FAT4: variants seen among roughly 807,000 people sequenced by gnomAD.
FAT4 encodes FAT atypical cadherin 4.
In FAT4, 84 loss-of-function variants were observed where a neutral mutation model predicts 303.9. The ratio of observed to expected loss-of-function variants is 0.28; its 90% CI spans 0.23 to 0.33. FAT4 has a LOEUF of 0.33. Among genes scored for constraint, FAT4 ranks in the 10% least tolerant of loss-of-function variants. The pLI, the probability that FAT4 is intolerant of heterozygous loss-of-function variation, is 1.00. For synonymous variants in FAT4, 2,307 were observed against 2,298.8 expected (o/e 1.00, Z -0.10); for missense variants, 6,005 against 6,146.8 (o/e 0.98, Z 0.77).
intron 2 of FAT4, among the ~76,000 whole-genome samples, chr4:125,352,785 T>C (rs1337536781): frequency 6.6e-6 from 1 of 151,790 alleles, no homozygotes; most frequent in African/African-American, 2.4e-5. Context: ...AAACTAGGGC[T>C]TTCTTCTGCT....
rs1461356168 is a variant in FAT4, at chr4:125,450,695, G to T, written c.9685G>T (p.Ala3229Ser). 1 of 1,614,066 alleles carries T rather than the reference G, an allele frequency of 6.2e-7. No homozygotes were observed. Among genetic ancestry groups the T allele is most frequent in the Non-Finnish European group, 8.5e-7 (1 of 1,179,986 alleles). ...NATDADSGTN[A>S]VIAYTVQSSD... ...AACAGATGCTGACTCTGGAACAAAT[G>T]CTGTGATTGCGTATACTGTACAGTC... Residue 3229 changes from alanine (A) to serine (S), a missense_variant, in exon 10 of 18, where the codon GCT (alanine) becomes TCT (serine). By Grantham distance (99) the Ala-to-Ser change is moderately conservative. Transcript: ENST00000394329.
rs1236749203 is a variant in FAT4 at position 125,451,423 on chromosome 4, T to C, written c.10413T>C (p.Asp3471=). 6.2e-7 allele frequency: 1 copy of C among 1,614,010 alleles called. No individual in the cohort carries two copies. The highest frequency in any genetic ancestry group is 8.5e-7 in the Non-Finnish European group (1 of 1,180,024). ...TGQITVTAEL[D]RETLPIYNLS... Reference sequence around the variant, plus strand: ...AGATCACCGTTACTGCAGAATTAGATCGAGAAACCCTTCCCATCTATAATC... The same window carrying C: ...AGATCACCGTTACTGCAGAATTAGACCGAGAAACCCTTCCCATCTATAATC... Residue 3471 remains aspartate (D), a synonymous_variant, in exon 10 of 18, where the codon GAT becomes GAC. Transcript: ENST00000394329.
rs771566742 is a variant in FAT4, at chr4:125,316,959, G to A, written c.548G>A (p.Gly183Glu). Residue 183 changes from glycine to glutamate, a missense_variant, in exon 2 of 18, where the codon GGG (glycine) becomes GAG (glutamate). By Grantham distance (98) the Gly-to-Glu change is moderately conservative (BLOSUM62 -2). Coordinates refer to ENST00000394329, the MANE Select transcript of FAT4 (RefSeq NM_001291303.3). This position sits in a 1 kb window ranked among gnomAD's most constrained non-coding sequence, Gnocchi z 5.7. ...CGCATCATCCGCGGCAATGAGGCGG[G>A]GCGCTTCCGTCTGGACATCACCCTG... is the stretch of plus-strand genomic sequence containing the variant. ...SYRIIRGNEA[G>E]RFRLDITLNP... 2.3e-5 allele frequency: 37 copies of A among 1,613,820 alleles called. No homozygotes were observed. The highest frequency in any genetic ancestry group is 3.3e-5 in the Admixed American group (2 of 60,004).
Position 125,360,096 on chromosome 4 carries a change from AT to A in FAT4, c.5175+38511del, listed in dbSNP as rs932233542. ...TTGTTTCTCTAGTCTAATCCATCTT[AT>A]CTTTTGTTCTTTTCTGTTAATCTAT... On this transcript the variant is annotated intron_variant, in intron 2 of 17. Coordinates refer to ENST00000394329, the MANE Select transcript of FAT4 (RefSeq NM_001291303.3). 5.6e-4 allele frequency among the ~76,000 whole-genome samples: 85 copies of A among 152,114 alleles called. 1 individual carries two copies. Among genetic ancestry groups the A allele is most frequent in the African/African-American group, 2.0e-3 (81 of 41,496 alleles).
chr4:125,431,160 C>G (rs1005274779), intron 7 of FAT4, among the ~76,000 whole-genome samples: 6 of 152,158 alleles, frequency 3.9e-5, no homozygotes, highest in African/African-American at 1.4e-4. Context: ...TGTGTATCAC[C>G]AGACACTTTA....
Position 125,490,091 on chromosome 4 carries a change from G to A in FAT4, c.13275G>A (p.Arg4425=), listed in dbSNP as rs759100088. 12 of 1,613,918 alleles carry A rather than the reference G, an allele frequency of 7.4e-6. No individual in the cohort carries two copies. Among genetic ancestry groups the A allele is most frequent in the Admixed American group, 3.3e-5 (2 of 60,000 alleles). The change falls in exon 18 of 18, where the codon AGG becomes AGA. Residue 4425 remains arginine, a synonymous_variant. Transcript: ENST00000394329. ...GCATTAATCAGTGGTATGCCTACAG[G>A]TGTGTCCCTCCTGGGGACTGTGCCT... is the stretch of plus-strand genomic sequence containing the variant. ...LLCINQWYAY[R]CVPPGDCASH...
At position 125,449,948 on chromosome 4, in the gene FAT4, G is replaced by T; in HGVS notation, c.8938G>T (p.Asp2980Tyr). Reference sequence around the variant, plus strand: ...TACCATCAATATAGTGGACAGTAATGACAATGCACCTCAATTTCTTAAAAG... The same window carrying T: ...TACCATCAATATAGTGGACAGTAATTACAATGCACCTCAATTTCTTAAAAG... ...TVTINIVDSN[D>Y]NAPQFLKSKY... The change falls in exon 10 of 18, where the codon GAC (aspartate) becomes TAC (tyrosine). Residue 2980 changes from aspartate to tyrosine, a missense_variant. By Grantham distance (160) the Asp-to-Tyr change is radical. Coordinates refer to ENST00000394329, the MANE Select transcript of FAT4 (RefSeq NM_001291303.3). The T allele has an allele frequency of 6.2e-7, 1 of 1,613,736 alleles. No individual in the cohort carries two copies. Among genetic ancestry groups the T allele is most frequent in the South Asian group, 1.1e-5 (1 of 91,020 alleles).
chr4:125,446,946 T>G (rs1725847523), intron 9 of FAT4, among the ~76,000 whole-genome samples: 1 of 152,044 alleles, frequency 6.6e-6, no homozygotes, highest in East Asian at 1.9e-4. Context: ...TGGGAGATAA[T>G]AGGCATTCAA....
At chr4:125,487,161 A>G (rs1016064081) in intron 16 of FAT4, among the ~76,000 whole-genome samples, 184 bp from the exon 17 acceptor site, 1 of 152,248 alleles carries the variant, frequency 6.6e-6, no homozygotes, top group Non-Finnish European at 1.5e-5. Flanking sequence ...ATTGAAACTT[A>G]AATGTAAAAG....
In FAT4 at chr4:125,479,758, G is replaced by A; in HGVS notation, c.12497G>A (p.Gly4166Asp). ...GILDQCPRLE[G>D]ACTRSPCQHG... ...TATTTTAGATGCCCTAGGCTGGAAG[G>A]CGCTTGTACTCGCAGCCCATGCCAA... Residue 4166 changes from glycine (G) to aspartate (D), a missense_variant, in exon 15 of 18, where the codon GGC (glycine) becomes GAC (aspartate). Gly to Asp is a moderately conservative substitution (Grantham distance 94). Coordinates refer to ENST00000394329, the MANE Select transcript of FAT4 (RefSeq NM_001291303.3). 6.3e-7 allele frequency: 1 copy of A among 1,594,974 alleles called. No homozygotes were observed. The highest frequency in any genetic ancestry group is 1.3e-5 in the African/African-American group (1 of 74,894).
Position 125,316,709 on chromosome 4 carries a change from A to T in FAT4, c.298A>T (p.Ser100Cys). 6.2e-7 allele frequency: 1 copy of T among 1,613,812 alleles called. No homozygotes were observed. Among genetic ancestry groups the T allele is most frequent in the Non-Finnish European group, 8.5e-7 (1 of 1,180,030 alleles). The change falls in exon 2 of 18, where the codon AGC (serine) becomes TGC (cysteine). Residue 100 changes from serine (S) to cysteine (C), a missense_variant. Coordinates refer to ENST00000394329, the MANE Select transcript of FAT4 (RefSeq NM_001291303.3). This position sits in a 1 kb window ranked among gnomAD's most constrained non-coding sequence, Gnocchi z 5.7. ...LYTTSTIDRE[S>C]LPSDVINLVV... Reference sequence around the variant, plus strand: ...CACCACCTCCACCATCGACCGCGAGAGCCTGCCCAGCGACGTGATCAACCT... The same window carrying T: ...CACCACCTCCACCATCGACCGCGAGTGCCTGCCCAGCGACGTGATCAACCT...
chr4:125,392,050 A>G (rs1281854802), intron 2 of FAT4, among the ~76,000 whole-genome samples: 2 of 152,186 alleles, frequency 1.3e-5, no homozygotes, highest in Non-Finnish European at 2.9e-5. Flanking sequence ...TAAGTAATAT[A>G]AATGATCTTC....
intron 2 of FAT4, among the ~76,000 whole-genome samples, chr4:125,389,109 T>C (rs577434577): frequency 4.6e-5 from 7 of 152,270 alleles, no homozygotes; most frequent in African/African-American, 1.2e-4. Flanking sequence ...CCTTAAAAAA[T>C]GAAACCAAAG....
In FAT4 at chr4:125,492,041, C is replaced by T. The variant is rs952620857; in HGVS notation, c.*273C>T. 7 of 375,032 alleles carry T rather than the reference C, an allele frequency of 1.9e-5. No homozygotes were observed. In the East Asian group the frequency reaches 3.2e-4, roughly 17 times the overall value. 23.2% of individuals were successfully genotyped at this position (375,032 alleles called of 1,614,324 possible). A position where few individuals can be genotyped will look rare whatever the true frequency, so the allele number is the denominator to read the frequency against. On this transcript the variant is annotated 3_prime_UTR_variant, in exon 18 of 18. Transcript: ENST00000394329. Reference sequence around the variant, plus strand: ...CATTTGGAAAATTTTTCTTATTTACCAGTGTTTGATTTGTGATTTTTAAAA... The same window carrying T: ...CATTTGGAAAATTTTTCTTATTTACTAGTGTTTGATTTGTGATTTTTAAAA...
chr4:125,440,456 A>G (rs927250159), intron 8 of FAT4, among the ~76,000 whole-genome samples: 5 of 151,896 alleles, frequency 3.3e-5, no homozygotes, highest in African/African-American at 9.7e-5. Flanking sequence ...TTCCTGCTCA[A>G]TGTCTATATA....
Position 125,491,928 on chromosome 4 carries a change from A to G in FAT4, c.*160A>G, listed in dbSNP as rs1727665526. The G allele has an allele frequency of 3.1e-6, 2 of 644,160 alleles. No individual in the cohort carries two copies. The highest frequency in any genetic ancestry group is 5.2e-6 in the Non-Finnish European group (2 of 387,836). The allele number at this position is 644,160 out of a possible 1,614,324, so 39.9% of individuals were successfully genotyped here. The stretch of plus-strand genomic sequence containing the variant: ...AATAACCACAATGCTGCTGAAACAG[A>G]CTCACAACAACTCTTAATTTAAACA... On this transcript the variant is annotated 3_prime_UTR_variant, in exon 18 of 18. Transcript: ENST00000394329.
Position 125,317,933 on chromosome 4 carries a change from G to A in FAT4, c.1522G>A (p.Ala508Thr). The A allele has an allele frequency of 6.2e-7, 1 of 1,614,156 alleles. No individual in the cohort carries two copies. The highest frequency in any genetic ancestry group is 1.1e-5 in the South Asian group (1 of 91,074). ...CACTGATGGCGACTCTGGTCTCAAT[G>A]CTAATCTGCGTTACAGCATTGTCTC... ...SATDGDSGLNANLRYSIVSGN... is the reference protein window; with the variant it reads ...SATDGDSGLNTNLRYSIVSGN... Residue 508 changes from alanine to threonine, a missense_variant, in exon 2 of 18, where the codon GCT becomes ACT. Physicochemically the swap from Ala to Thr is moderately conservative, Grantham distance 58 (BLOSUM62 0). Coordinates refer to ENST00000394329, the MANE Select transcript of FAT4 (RefSeq NM_001291303.3). This position sits in a 1 kb window ranked among gnomAD's most constrained non-coding sequence, Gnocchi z 7.0.
rs745360193 is a variant in FAT4, at chr4:125,326,474, AT to A, written c.5175+4891del. 5.3e-5 allele frequency among the ~76,000 whole-genome samples: 8 copies of A among 152,206 alleles called. 1 individual carries two copies. The East Asian group carries it at 7.8e-4, about 15-fold the overall frequency. On this transcript the variant is annotated intron_variant, in intron 2 of 17. Coordinates refer to ENST00000394329, the MANE Select transcript of FAT4 (RefSeq NM_001291303.3). ...TGATAAGTGCATTTTTAGGGATTTTATTTAACCCATACAATACTAATATCAT... is the reference window on the plus strand; with the variant it reads ...TGATAAGTGCATTTTTAGGGATTTTATTAACCCATACAATACTAATATCAT...
At chr4:125,414,592 G>T (rs889769103) in intron 5 of FAT4, among the ~76,000 whole-genome samples, 3 of 152,130 alleles carry the variant, frequency 2.0e-5, no homozygotes, top group Non-Finnish European at 4.4e-5. Context: ...ATAGTATAGC[G>T]TGTGGCACTG....
Sources: allele counts gnomAD v4.1 joint callset (sites outside exome capture counted in the v4.1 genomes callset), GRCh38; gene constraint gnomAD v4.1.1; non-coding constraint Gnocchi (gnomAD v3.1); transcripts MANE v1.5; gene names NCBI Gene and HGNC (gene_info 2026-07-23, HGNC 2026-07-21).